Variants in TBC1D23 observed in about 807,000 individuals in gnomAD.
TBC1D23 encodes the protein HCV non-structural protein 4A-transactivated protein 1.
TBC1D23 carries 55 observed loss-of-function variants against 91.4 expected under a neutral mutation model. The observed-to-expected ratio is 0.60, with a 90% CI of 0.48 to 0.75. The LOEUF (loss-of-function observed/expected upper bound fraction) is 0.75, where lower values mean the gene tolerates loss of function less well. Ranked by LOEUF, TBC1D23 falls within the 30% of genes least tolerant of loss-of-function variation. The probability of loss-of-function intolerance (pLI) is 0.00; values close to 1 mark genes in which losing one functional copy is unlikely to be tolerated. For missense variants in TBC1D23, 725 were observed against 836.1 expected, an observed-to-expected ratio of 0.87 and a Z score of 1.64; for synonymous variants, 289 against 281.0, an observed-to-expected ratio of 1.03 and a Z score of -0.28.
intron 10 of TBC1D23, among the ~76,000 whole-genome samples, 187 bp downstream of exon 10, chr3:100,299,518 T>C (rs1705379161): frequency 6.6e-6 from 1 of 151,764 alleles, no homozygotes; most frequent in African/African-American, 2.4e-5. Context: ...TTTTTGTTGT[T>C]GTTTGTTTGT....
intron 9 of TBC1D23, among the ~76,000 whole-genome samples, chr3:100,298,359 T>G (rs917609145): frequency 7.2e-5 from 11 of 152,184 alleles, no homozygotes; most frequent in Middle Eastern, 3.2e-3. Flanking sequence ...TTTAAAAGGG[T>G]GAATTTAGCA....
In TBC1D23 at chr3:100,310,484, G is replaced by A. The variant is rs751895748; in HGVS notation, c.1495G>A (p.Val499Ile). 35 of 1,613,440 alleles carry A rather than the reference G, an allele frequency of 2.2e-5. No individual in the cohort carries two copies. Among genetic ancestry groups the A allele is most frequent in the East Asian group, 1.1e-4 (5 of 44,830 alleles). ...KMTVALKTKS[V>I]NVREKVISFI... is the part of the protein sequence containing the mutation. ...GACTGTGGCTTTGAAGACAAAATCC[G>A]TTAATGTCAGGGAAAAAGTTATCAG... Residue 499 changes from valine (V) to isoleucine (I), a missense_variant, in exon 14 of 19, where the codon GTT becomes ATT. By Grantham distance (29) the Val-to-Ile change is conservative. Transcript: ENST00000394144.
chr3:100,306,452 TG>T lies in TBC1D23; in HGVS notation c.1324del (p.Ala442GlnfsTer42). Reference protein sequence around the residue: ...SGGFMALQQHLADINVDGPEN... With the variant: ...SGGFMALQQHXADINVDGPEN... ...TTATCTTAAGCACTGCAGCAGCACC[TG>T]GCAGACATTAATGTGGATGGACCAG... is the stretch of plus-strand genomic sequence containing the variant. On this transcript the variant is annotated frameshift_variant, in exon 13 of 19. Transcript: ENST00000394144. LOFTEE classifies it high-confidence loss of function. 1 of 1,607,664 alleles carries T rather than the reference TG, an allele frequency of 6.2e-7. No homozygotes were observed. Among genetic ancestry groups the T allele is most frequent in the Non-Finnish European group, 8.5e-7 (1 of 1,174,244 alleles).
At chr3:100,294,096 A>C (rs2067817255) in intron 5 of TBC1D23, among the ~76,000 whole-genome samples, 1 of 152,162 alleles carries the variant, frequency 6.6e-6, no homozygotes, top group Non-Finnish European at 1.5e-5. Flanking sequence ...TTTAAATTTA[A>C]ACTTGTAGAT....
intron 5 of TBC1D23, among the ~76,000 whole-genome samples, chr3:100,291,508 G>T (rs896269203): frequency 4.0e-5 from 6 of 151,688 alleles, no homozygotes; most frequent in Admixed American, 1.3e-4. Context: ...ACTTGAACCT[G>T]GGAGGCGGAG....
intron 4 of TBC1D23, among the ~76,000 whole-genome samples, chr3:100,288,152 G>C (rs2067760524): frequency 6.6e-6 from 1 of 151,450 alleles, no homozygotes; most frequent in Non-Finnish European, 1.5e-5. Flanking sequence ...GGCTAAGTGG[G>C]GAGGATCACC....
chr3:100,309,610 CTTTTTTTTT>C (rs71132518), intron 13 of TBC1D23, among the ~76,000 whole-genome samples: 2 of 116,124 alleles, frequency 1.7e-5, no homozygotes, highest in African/African-American at 6.4e-5. Context: ...ATTCTACCTT[CTTTTTTTTT>C]TTTTTTTTTT....
At chr3:100,313,284 A>G (rs1705662779) in intron 15 of TBC1D23, among the ~76,000 whole-genome samples, 1 of 152,180 alleles carries the variant, frequency 6.6e-6, no homozygotes, top group Admixed American at 6.5e-5. Flanking sequence ...TTTGTAACTT[A>G]AATCATCTCT....
Position 100,316,145 on chromosome 3 carries a change from A to C in TBC1D23, c.1645A>C (p.Lys549Gln). The change falls in exon 16 of 19, where the codon AAG becomes CAG. Residue 549 changes from lysine (K) to glutamine (Q), a missense_variant. Coordinates refer to ENST00000394144, the MANE Select transcript of TBC1D23 (RefSeq NM_001199198.3). ...AGTGGGCAAGCCTTACCGTGGCGTA[A>C]AGCCTGTTTTCAGCATTGGGGATGA... ...DRVGKPYRGVKPVFSIGDEEE... is the reference protein window; with the variant it reads ...DRVGKPYRGVQPVFSIGDEEE... The C allele has an allele frequency of 1.2e-6, 2 of 1,614,132 alleles. No homozygotes were observed. The highest frequency in any genetic ancestry group is 1.6e-4 in the Middle Eastern group (1 of 6,062).
chr3:100,313,426 G>C (rs1036548083), intron 15 of TBC1D23, among the ~76,000 whole-genome samples: 3 of 151,878 alleles, frequency 2.0e-5, no homozygotes, highest in Admixed American at 6.6e-5. Flanking sequence ...TATTACCATG[G>C]CAAAAAAAGT....
intron 11 of TBC1D23, among the ~76,000 whole-genome samples, chr3:100,302,669 C>T (rs947438727): frequency 1.3e-5 from 2 of 152,142 alleles, no homozygotes; most frequent in African/African-American, 4.8e-5. Flanking sequence ...TCAGTGCAAC[C>T]TCTGCATCCT....
intron 4 of TBC1D23, among the ~76,000 whole-genome samples, chr3:100,287,880 A>G (rs1214884784): frequency 6.6e-6 from 1 of 151,702 alleles, no homozygotes; most frequent in African/African-American, 2.4e-5. Flanking sequence ...CAGCCTCCTG[A>G]GTAGCTGGGA....
In TBC1D23 at chr3:100,311,860, C is replaced by T; in HGVS notation, c.1581C>T (p.Asp527=). 1.3e-6 allele frequency: 2 copies of T among 1,535,164 alleles called. No homozygotes were observed. Among genetic ancestry groups the T allele is most frequent in the South Asian group, 1.2e-5 (1 of 84,028 alleles). The change falls in exon 15 of 19, where the codon GAC becomes GAT. Residue 527 remains aspartate, a synonymous_variant. Coordinates refer to ENST00000394144, the MANE Select transcript of TBC1D23 (RefSeq NM_001199198.3). The part of the protein sequence containing the change: ...DRMSFNLPWP[D]RSCTERHVSS... ...TGTCTTTCAATCTTCCTTGGCCAGACAGATCATGTACAGAGCGGTAAGCCA... is the reference window on the plus strand; with the variant it reads ...TGTCTTTCAATCTTCCTTGGCCAGATAGATCATGTACAGAGCGGTAAGCCA...
At chr3:100,313,989 AC>A (rs1294028420) in intron 15 of TBC1D23, among the ~76,000 whole-genome samples, 1 of 151,930 alleles carries the variant, frequency 6.6e-6, no homozygotes, top group African/African-American at 2.4e-5. Flanking sequence ...GATTAACCTA[AC>A]TTGTAATTTC....
intron 11 of TBC1D23, among the ~76,000 whole-genome samples, chr3:100,303,379 A>G (rs1334466778): frequency 6.6e-6 from 1 of 152,226 alleles, no homozygotes; most frequent in East Asian, 1.9e-4. Context: ...TTGTAGGATA[A>G]TTTTAAATTT....
chr3:100,263,151 A>ACTG (rs2067528376), intron 1 of TBC1D23, among the ~76,000 whole-genome samples: 2 of 152,188 alleles, frequency 1.3e-5, no homozygotes, highest in African/African-American at 2.4e-5. Flanking sequence ...ATTTGGGTAG[A>ACTG]TAAAGGAAAA....
intron 3 of TBC1D23, 47 bp from the exon 4 acceptor site, chr3:100,283,560 C>A: frequency 3.8e-6 from 5 of 1,300,596 alleles, no homozygotes; most frequent in South Asian, 1.2e-5. Context: ...CCAATAACAG[C>A]CCCTGACAGG....
intron 10 of TBC1D23, 49 bp downstream of exon 10, chr3:100,299,380 C>T: frequency 8.2e-7 from 1 of 1,225,096 alleles, no homozygotes; most frequent in Non-Finnish European, 1.2e-6. Context: ...TTTTTTCCTT[C>T]AGTTCATAAA....
intron 1 of TBC1D23, among the ~76,000 whole-genome samples, chr3:100,268,138 T>G (rs2067571732): frequency 1.3e-5 from 2 of 152,182 alleles, no homozygotes; most frequent in Non-Finnish European, 2.9e-5. Flanking sequence ...CCAAGCCTGG[T>G]GACAGAGTGA....
Sources: allele counts gnomAD v4.1 joint callset (sites outside exome capture counted in the v4.1 genomes callset), GRCh38; gene constraint gnomAD v4.1.1; transcripts MANE v1.5; gene names NCBI Gene and HGNC (gene_info 2026-07-23, HGNC 2026-07-21).